Variants in TMED1 observed in about 807,000 individuals in gnomAD.
The protein encoded by TMED1 is transmembrane emp24 domain-containing protein 1.
Under a neutral mutation model 21.2 loss-of-function variants are expected in TMED1, and 20 were observed. The ratio of observed to expected loss-of-function variants is 0.95; its 90% confidence interval spans 0.67 to 1.37. TMED1 has a LOEUF of 1.37. Among genes scored for constraint, TMED1 ranks in the 40% most tolerant of loss-of-function variants. TMED1 has a pLI of 0.00. For synonymous variants in TMED1, 149 were observed against 134.7 expected (o/e 1.11, Z -0.74); for missense variants, 316 against 309.8 (o/e 1.02, Z -0.15).
intron 3 of TMED1, 76 bp from the exon 4 acceptor site, chr19:10,833,289 T>A: frequency 7.9e-7 from 1 of 1,266,356 alleles, no homozygotes; most frequent in South Asian, 1.3e-5. Flanking sequence ...AACCGGGGGA[T>A]ACGGAGGGAG....
intron 1 of TMED1, 184 bp from the exon 2 acceptor site, chr19:10,835,537 T>A: frequency 6.9e-7 from 1 of 1,451,236 alleles, no homozygotes; most frequent in Non-Finnish European, 9.1e-7. Context: ...CTCATTGATA[T>A]GACAGCTTGG....
chr19:10,836,177 G>C lies in TMED1; in HGVS notation c.15C>G (p.Gly5=). 1.3e-6 allele frequency: 2 copies of C among 1,551,894 alleles called. No individual in the cohort carries two copies. The highest frequency in any genetic ancestry group is 1.7e-6 in the Non-Finnish European group (2 of 1,151,990). Residue 5 remains glycine, a synonymous_variant, in exon 1 of 4, where the codon GGC becomes GGG. Coordinates refer to ENST00000214869, the MANE Select transcript of TMED1 (RefSeq NM_006858.4). ...GCCACAAGGCCAGGGCTAGGGCCGCGCCGGCCGCCATCATCCGGGTCACCC... is the reference window on the plus strand; with the variant it reads ...GCCACAAGGCCAGGGCTAGGGCCGCCCCGGCCGCCATCATCCGGGTCACCC... MMAA[G]AALALALWLL... is the part of the protein sequence containing the mutation.
At chr19:10,833,786 G>A (rs1336439746) in intron 3 of TMED1, among the ~76,000 whole-genome samples, 1 of 151,434 alleles carries the variant, frequency 6.6e-6, no homozygotes, top group Admixed American at 6.6e-5. Context: ...GTGCACACCC[G>A]TAGTCCCACT....
At chr19:10,835,222 AC>A in intron 2 of TMED1, 33 bp downstream of exon 2, 1 of 1,613,864 alleles carries the variant, frequency 6.2e-7, no homozygotes, top group Non-Finnish European at 8.5e-7. Context: ...CAGGGCTGTA[AC>A]TGAACCCAGG....
rs758488349 is a variant in TMED1, at chr19:10,836,053, A to G, written c.139T>C (p.Tyr47His). 21 of 1,597,316 alleles carry G rather than the reference A, an allele frequency of 1.3e-5. No individual in the cohort carries two copies. The African/African-American group carries it at 2.3e-4, about 17-fold the overall frequency. The stretch of plus-strand genomic sequence containing the variant: ...CTTGCGTTGGCCGGCGCGGACTGGT[A>G]GAAACACTGCTTCCTCCCCGCCGGC... ...LLPAGRKQCF[Y>H]QSAPANASLE... is the part of the protein sequence containing the mutation. The change falls in exon 1 of 4, where the codon TAC becomes CAC. Residue 47 changes from tyrosine (Y) to histidine (H), a missense_variant. Transcript: ENST00000214869.
At position 10,832,884 on chromosome 19, in the gene TMED1, C is replaced by G. The variant is rs763226439; in HGVS notation, c.*111G>C. 8.7e-6 allele frequency: 11 copies of G among 1,267,254 alleles called. No individual in the cohort carries two copies. The highest frequency in any genetic ancestry group is 1.5e-5 in the African/African-American group (1 of 68,272). The allele number at this position is 1,267,254 out of a possible 1,614,324, so 78.5% of individuals were successfully genotyped here. On this transcript the variant is annotated 3_prime_UTR_variant, in exon 4 of 4. Coordinates refer to ENST00000214869, the MANE Select transcript of TMED1 (RefSeq NM_006858.4). ...CATGGGGCCAGACCGCAGGCCCTGACTGCACACTCCCGTTTTGGCAGGAAA... is the reference window on the plus strand; with the variant it reads ...CATGGGGCCAGACCGCAGGCCCTGAGTGCACACTCCCGTTTTGGCAGGAAA...
chr19:10,834,084 T>C (rs949709962), intron 3 of TMED1, among the ~76,000 whole-genome samples: 4 of 152,162 alleles, frequency 2.6e-5, no homozygotes, highest in Non-Finnish European at 4.4e-5. Flanking sequence ...TGGCTGAACC[T>C]GGGAGGCAGA....
rs1284035777 is a variant in TMED1, at chr19:10,835,247, T to G, written c.281+9A>C. ...ACTGAACCCAGGCAGGCATCAAGAC[T>G]GAACTCACGTGTGTACCCCATCAGC... On this transcript the variant is annotated intron_variant, in intron 2 of 3. Coordinates refer to ENST00000214869, the MANE Select transcript of TMED1 (RefSeq NM_006858.4). The G allele has an allele frequency of 4.3e-6, 7 of 1,614,112 alleles. No individual in the cohort carries two copies.
chr19:10,835,789 C>T, intron 1 of TMED1: 1 of 985,252 alleles, frequency 1.0e-6, no homozygotes. Flanking sequence ...TGGCCCCGCC[C>T]CCTCTGGATC....
chr19:10,833,649 G>A (rs543132917), intron 3 of TMED1, among the ~76,000 whole-genome samples: 3 of 152,110 alleles, frequency 2.0e-5, no homozygotes, highest in South Asian at 2.1e-4. Flanking sequence ...AGCTACTCAG[G>A]AGGCTGAAGC....
chr19:10,834,725 C>T, intron 3 of TMED1: 2 of 495,164 alleles, frequency 4.0e-6, no homozygotes, highest in East Asian at 4.1e-5. Context: ...AGGTGATCCA[C>T]CCGCCTCAGC....
intron 1 of TMED1, chr19:10,835,653 T>A: frequency 7.2e-7 from 1 of 1,396,334 alleles, no homozygotes; most frequent in Non-Finnish European, 9.3e-7. Context: ...AGGCCCAGCC[T>A]TTTTCCTTAG....
chr19:10,835,795 GGATCTCTTACTCTA>G (rs1289914536), intron 1 of TMED1, 200 bp downstream of exon 1: 2 of 981,034 alleles, frequency 2.0e-6, no homozygotes, highest in Non-Finnish European at 2.4e-6. Flanking sequence ...CGCCCCCTCT[GGATCTCTTACTCTA>G]GCCCCGCCTG....
At chr19:10,834,338 G>T (rs1307759785) in intron 3 of TMED1, among the ~76,000 whole-genome samples, 4 of 152,046 alleles carry the variant, frequency 2.6e-5, no homozygotes, top group Non-Finnish European at 5.9e-5. Flanking sequence ...GTAAAATGGG[G>T]ATGACTTGAG....
rs375902608 is a variant in TMED1 at position 10,835,086 on chromosome 19, G to T, written c.313C>A (p.Leu105Met). 1 of 1,614,186 alleles carries T rather than the reference G, an allele frequency of 6.2e-7. No individual in the cohort carries two copies. ...VEPTEAGDYK[L>M]CFDNSFSTIS... is the part of the protein sequence containing the mutation. ...GTGCTGAAGGAGTTGTCAAAGCACA[G>T]CTTGTAGTCCCCGGCCTCCGTTGGC... Residue 105 changes from leucine to methionine, a missense_variant, in exon 3 of 4, where the codon CTG becomes ATG. Leu to Met is a conservative substitution (Grantham distance 15). Transcript: ENST00000214869.
At chr19:10,835,649 A>G (rs1332909489) in intron 1 of TMED1, 6 of 1,405,980 alleles carry the variant, frequency 4.3e-6, no homozygotes, top group Non-Finnish European at 5.5e-6. Context: ...GGATAGGCCC[A>G]GCCTTTTTCC....
chr19:10,836,116 G>GCCCCGC lies in TMED1; in HGVS notation c.70_75dup (p.Ala24_Gly25dup). On this transcript the variant is annotated inframe_insertion, in exon 1 of 4. Transcript: ENST00000214869. ...AACTCACCGTCCTGGATTGGCGGGG[G>GCCCCGC]CCCCGCCCCTCCCACCTCCACTGGT... The GCCCCGC allele has an allele frequency of 1.3e-6, 2 of 1,576,140 alleles. No individual in the cohort carries two copies. Among genetic ancestry groups the GCCCCGC allele is most frequent in the East Asian group, 2.3e-5 (1 of 42,744 alleles).
intron 3 of TMED1, 174 bp downstream of exon 3, chr19:10,834,760 C>T (rs935620832): frequency 2.7e-5 from 20 of 737,446 alleles, no homozygotes; most frequent in South Asian, 2.0e-4. Context: ...GGATTACAGG[C>T]GTGAGCCACC....
In TMED1 at chr19:10,835,882, C is replaced by T. The variant is rs2073422035; in HGVS notation, c.183+127G>A. 3.4e-5 allele frequency: 49 copies of T among 1,430,924 alleles called. No homozygotes were observed. The South Asian group carries it at 6.4e-4, about 19-fold the overall frequency. 88.6% of individuals were successfully genotyped at this position (1,430,924 alleles called of 1,614,324 possible). A position where few individuals can be genotyped will look rare whatever the true frequency, so the allele number is the denominator to read the frequency against. ...CCCCGCCCCATCTGTCCATCTCTTT[C>T]TAGCTCCGCCCCCGCGCTCCCAAGC... On this transcript the variant is annotated intron_variant, in intron 1 of 3. Coordinates refer to ENST00000214869, the MANE Select transcript of TMED1 (RefSeq NM_006858.4).
Sources: allele counts gnomAD v4.1 joint callset (sites outside exome capture counted in the v4.1 genomes callset), GRCh38; gene constraint gnomAD v4.1.1; transcripts MANE v1.5; gene names NCBI Gene and HGNC (gene_info 2026-07-23, HGNC 2026-07-21).